Variants in SOX5 observed in about 807,000 individuals in gnomAD.
SOX5 encodes the protein transcription factor SOX-5.
Under a neutral mutation model 92.0 loss-of-function variants are expected in SOX5, and 9 were observed. The observed-to-expected ratio is 0.10, with a 90% CI of 0.06 to 0.17. The LOEUF is 0.17. SOX5 is among the 10% of genes least tolerant of loss of function. SOX5 has a pLI of 1.00. For missense variants in SOX5, 642 were observed against 944.5 expected (o/e 0.68, Z 4.20); for synonymous variants, 344 against 336.3 (o/e 1.02, Z -0.25).
intron 11 of SOX5, among the ~76,000 whole-genome samples, chr12:23,556,428 A>C (rs913838721): frequency 1.3e-5 from 2 of 152,210 alleles, no homozygotes; most frequent in Admixed American, 6.5e-5. Flanking sequence ...GCTCACTTTA[A>C]AACGAGAAAA....
intron 1 of SOX5, among the ~76,000 whole-genome samples, chr12:24,402,946 A>T (rs1320707903): frequency 2.0e-5 from 3 of 152,096 alleles, no homozygotes; most frequent in African/African-American, 7.2e-5. Context: ...CTGAAGGTTA[A>T]TTTTTCTAAA....
intron 2 of SOX5, among the ~76,000 whole-genome samples, chr12:23,880,494 G>A (rs1479188993): frequency 6.6e-6 from 1 of 152,126 alleles, no homozygotes; most frequent in African/African-American, 2.4e-5. Flanking sequence ...GTAGATTTCA[G>A]AAAACACAAG....
intron 3 of SOX5, among the ~76,000 whole-genome samples, chr12:24,247,905 C>T (rs1279594617): frequency 3.9e-5 from 6 of 152,000 alleles, no homozygotes; most frequent in East Asian, 1.9e-4. Flanking sequence ...CTGCCTGCCT[C>T]GGCCTCCCAA....
intron 4 of SOX5, among the ~76,000 whole-genome samples, chr12:23,969,355 T>C (rs1186448736): frequency 6.6e-6 from 1 of 151,992 alleles, no homozygotes; most frequent in Non-Finnish European, 1.5e-5. Flanking sequence ...CCGAGACCAA[T>C]GTTCGTCAGA....
At chr12:24,128,846 G>A (rs1949367066) in intron 4 of SOX5, among the ~76,000 whole-genome samples, 2 of 152,130 alleles carry the variant, frequency 1.3e-5, no homozygotes. Context: ...TGGATTTGTG[G>A]GGTTGGGAAG....
At chr12:24,187,618 C>T (rs1359389874) in intron 4 of SOX5, among the ~76,000 whole-genome samples, 1 of 152,106 alleles carries the variant, frequency 6.6e-6, no homozygotes, top group Non-Finnish European at 1.5e-5. Context: ...TCATTTTTCT[C>T]ACTATCTACA....
At chr12:23,980,707 T>C (rs1230531004) in intron 4 of SOX5, among the ~76,000 whole-genome samples, 1 of 152,164 alleles carries the variant, frequency 6.6e-6, no homozygotes, top group Non-Finnish European at 1.5e-5. Context: ...CCTCTTCTTA[T>C]GCCCTGCTGT....
chr12:24,151,226 CT>C (rs1055370995), intron 4 of SOX5, among the ~76,000 whole-genome samples: 19 of 151,984 alleles, frequency 1.3e-4, no homozygotes, highest in African/African-American at 4.6e-4. Flanking sequence ...GGAATGAGAC[CT>C]GGTTAGAGGA....
chr12:23,923,866 G>C (rs1162625157), intron 1 of SOX5, among the ~76,000 whole-genome samples: 3 of 152,074 alleles, frequency 2.0e-5, no homozygotes, highest in African/African-American at 7.2e-5. Context: ...ACAACCTCTA[G>C]CTTGAAAGCC....
chr12:24,054,438 C>T (rs1317397518), intron 4 of SOX5, among the ~76,000 whole-genome samples: 1 of 152,196 alleles, frequency 6.6e-6, no homozygotes, highest in Non-Finnish European at 1.5e-5. Context: ...GTTCCTTGGG[C>T]ACTACACATG....
rs1421356809 is a variant in SOX5 at position 23,536,472 on chromosome 12, G to A, written c.1969C>T (p.Arg657Trp). ...ACATACCCAACATTGAAGTACTGCC[G>A]CATTTCCTGCCGCCTGTTGCGCATG... ...AIMRNRRQEM[R>W]QYFNVGQQAQ... Residue 657 changes from arginine (R) to tryptophan (W), a missense_variant, in exon 14 of 15, where the codon CGG becomes TGG. Arg to Trp is a moderately radical substitution (Grantham distance 101, BLOSUM62 -3). This residue lies in a region of SOX5 where 130 missense variants were observed against 140.6 expected (regional missense o/e 0.92). Transcript: ENST00000451604. 3 of 1,613,854 alleles carry A rather than the reference G, an allele frequency of 1.9e-6. No individual in the cohort carries two copies. Among genetic ancestry groups the A allele is most frequent in the Admixed American group, 1.7e-5 (1 of 60,020 alleles).
intron 3 of SOX5, among the ~76,000 whole-genome samples, chr12:24,260,611 G>A (rs952677752): frequency 6.6e-6 from 1 of 152,160 alleles, no homozygotes; most frequent in African/African-American, 2.4e-5. Context: ...TCCTTAGGTA[G>A]TGATATCTTT....
intron 1 of SOX5, among the ~76,000 whole-genome samples, chr12:24,467,773 G>T (rs1176129103): frequency 6.6e-6 from 1 of 152,108 alleles, no homozygotes; most frequent in Non-Finnish European, 1.5e-5. Flanking sequence ...TTGTCCTGGG[G>T]GGTGGATAAA....
intron 14 of SOX5, among the ~76,000 whole-genome samples, chr12:23,534,758 G>A (rs949514377): frequency 3.7e-5 from 5 of 135,364 alleles, no homozygotes; most frequent in Non-Finnish European, 6.1e-5. Flanking sequence ...TGCCTAGGCT[G>A]CAGTGCAATG....
chr12:24,052,197 C>T (rs1389630099), intron 4 of SOX5, among the ~76,000 whole-genome samples: 1 of 152,000 alleles, frequency 6.6e-6, no homozygotes, highest in Non-Finnish European at 1.5e-5. Flanking sequence ...CATGCCCTAC[C>T]CAGAGAATAG....
chr12:24,032,844 A>G (rs1955646713), intron 4 of SOX5, among the ~76,000 whole-genome samples: 2 of 151,932 alleles, frequency 1.3e-5, no homozygotes, highest in African/African-American at 4.8e-5. Context: ...CAATTAAATT[A>G]CTTTCAAACT....
At chr12:24,541,484 C>T (rs951417326) in intron 1 of SOX5, among the ~76,000 whole-genome samples, 3 of 152,120 alleles carry the variant, frequency 2.0e-5, no homozygotes, top group Non-Finnish European at 2.9e-5. Context: ...ACTATTTAAT[C>T]GACTCAATTA....
intron 13 of SOX5, among the ~76,000 whole-genome samples, 194 bp from the exon 14 acceptor site, chr12:23,536,863 G>C (rs1228489442): frequency 2.0e-5 from 3 of 151,972 alleles, no homozygotes; most frequent in Non-Finnish European, 2.9e-5. Context: ...ATAAACACTG[G>C]GCAGTATTTT....
intron 4 of SOX5, among the ~76,000 whole-genome samples, chr12:24,211,948 T>C (rs772698751): frequency 1.3e-4 from 20 of 152,262 alleles, no homozygotes; most frequent in Non-Finnish European, 2.5e-4. Flanking sequence ...CTTCAACTTA[T>C]TTGGTTTTAA....
Sources: gnomAD v4.1 joint callset for allele counts (sites outside exome capture counted in the v4.1 genomes callset) on GRCh38, gnomAD v4.1.1 for gene constraint, gnomAD v4.1.1 regional missense constraint, MANE v1.5 for transcripts, NCBI Gene and HGNC (gene_info 2026-07-23, HGNC 2026-07-21) for gene names.